BCR: variants seen among roughly 807,000 people sequenced by gnomAD.
BCR encodes BCR activator of RhoGEF and GTPase, also known as breakpoint cluster region protein.
BCR carries 58 observed loss-of-function variants against 138.6 expected under a neutral mutation model. The observed-to-expected ratio is 0.42, with a 90% CI of 0.34 to 0.52. The LOEUF is 0.52. Among genes scored for constraint, BCR ranks in the 20% least tolerant of loss-of-function variants. The pLI, the probability that BCR is intolerant of heterozygous loss-of-function variation, is 0.06. For synonymous variants in BCR, 786 were observed against 730.1 expected, an observed-to-expected ratio of 1.08 and a Z score of -1.23; for missense variants, 1,599 against 1,727.2, an observed-to-expected ratio of 0.93 and a Z score of 1.32.
chr22:23,265,404 G>A lies in BCR; in HGVS notation c.1753-3004G>A, dbSNP rs181644196. On this transcript the variant is annotated intron_variant, in intron 4 of 22. Transcript: ENST00000305877. Reference sequence around the variant, plus strand: ...AGCTCAGTAGGGTTGGCCCAGCATCGCTCTGTCAGGTTTCCGGGTTGGACA... The same window carrying A: ...AGCTCAGTAGGGTTGGCCCAGCATCACTCTGTCAGGTTTCCGGGTTGGACA... 2.3e-3 allele frequency among the ~76,000 whole-genome samples: 346 copies of A among 152,276 alleles called. 5 individuals are homozygous for A. The highest frequency in any genetic ancestry group is 5.6e-4 in the Non-Finnish European group (38 of 68,020).
At chr22:23,230,931 G>A (rs2072950905) in intron 1 of BCR, among the ~76,000 whole-genome samples, 1 of 152,172 alleles carries the variant, frequency 6.6e-6, no homozygotes, top group African/African-American at 2.4e-5. Flanking sequence ...GGGGCCACAG[G>A]TGGAGTAGAG....
Position 23,199,349 on chromosome 22 carries a change from C to T in BCR, c.1279+17110C>T, listed in dbSNP as rs147657830. ...TGTGTCATCTCCTGGCTTCCCCGGC[C>T]CTTGTGAGCCCCGCGGTTGCTTATT... On this transcript the variant is annotated intron_variant, in intron 1 of 22. Coordinates refer to ENST00000305877, the MANE Select transcript of BCR (RefSeq NM_004327.4). 284 of 516,086 alleles carry T rather than the reference C, an allele frequency of 5.5e-4. 1 individual carries two copies. The highest frequency in any genetic ancestry group is 5.1e-3 in the African/African-American group (266 of 51,900). 32.0% of individuals were successfully genotyped at this position (516,086 alleles called of 1,614,324 possible). A position where few individuals can be genotyped will look rare whatever the true frequency, so the allele number is the denominator to read the frequency against.
intron 18 of BCR, 68 bp downstream of exon 18, chr22:23,310,501 G>GAGC: frequency 1.4e-6 from 1 of 730,974 alleles, no homozygotes. Flanking sequence ...CTGCAGAAAA[G>GAGC]AGCATGTGTG....
intron 1 of BCR, among the ~76,000 whole-genome samples, chr22:23,195,233 C>G (rs1022216834): frequency 3.1e-4 from 47 of 151,324 alleles, no homozygotes; most frequent in African/African-American, 1.1e-3. Flanking sequence ...CCAGCCTGAC[C>G]AACATGGAGA....
chr22:23,296,191 C>G (rs919492261), intron 16 of BCR, among the ~76,000 whole-genome samples: 2 of 151,726 alleles, frequency 1.3e-5, no homozygotes, highest in Non-Finnish European at 2.9e-5. Flanking sequence ...TGGCTAACAC[C>G]GTGAAACCCC....
intron 1 of BCR, among the ~76,000 whole-genome samples, chr22:23,206,203 G>A (rs180821066): frequency 3.1e-3 from 479 of 152,340 alleles, no homozygotes; most frequent in Non-Finnish European, 6.0e-3. Context: ...AATCGTTGAA[G>A]CCAAATGATG....
chr22:23,241,290 G>C (rs907340489), intron 1 of BCR, among the ~76,000 whole-genome samples: 1 of 152,212 alleles, frequency 6.6e-6, no homozygotes, highest in Non-Finnish European at 1.5e-5. Flanking sequence ...CCGGGCTCAG[G>C]GTGGTGACCG....
chr22:23,229,267 C>T (rs1265533853), intron 1 of BCR, among the ~76,000 whole-genome samples: 5 of 151,842 alleles, frequency 3.3e-5, no homozygotes, highest in Admixed American at 6.6e-5. Flanking sequence ...GAGTCTTTGT[C>T]CTTTCTTCTT....
chr22:23,225,414 C>A (rs538070320), intron 1 of BCR, among the ~76,000 whole-genome samples: 2 of 152,232 alleles, frequency 1.3e-5, no homozygotes, highest in Admixed American at 1.3e-4. Flanking sequence ...GGAGGGCATG[C>A]GCTTTGCCAA....
intron 9 of BCR, among the ~76,000 whole-genome samples, chr22:23,284,827 G>A (rs915004820): frequency 2.0e-5 from 3 of 152,148 alleles, no homozygotes; most frequent in South Asian, 2.1e-4. Flanking sequence ...TGGGGCCTGC[G>A]GTCACATGTT....
chr22:23,264,514 C>A, intron 4 of BCR: 1 of 541,772 alleles, frequency 1.8e-6, no homozygotes, highest in South Asian at 2.2e-5. Context: ...AGGCTTCTGA[C>A]TCCTGGAGCT....
intron 4 of BCR, chr22:23,263,599 CATG>C (rs1413744668): frequency 2.3e-5 from 36 of 1,533,156 alleles, no homozygotes; most frequent in Non-Finnish European, 2.9e-5. Flanking sequence ...GTCTGCTGGG[CATG>C]ATGAGGACGT....
chr22:23,300,733 C>T (rs1009429298), intron 16 of BCR, among the ~76,000 whole-genome samples: 1 of 152,178 alleles, frequency 6.6e-6, no homozygotes, highest in African/African-American at 2.4e-5. Flanking sequence ...CAGGTGCCCA[C>T]ATAACCCAGG....
At chr22:23,273,171 G>C in intron 7 of BCR, 38 bp downstream of exon 7, 2 of 1,598,302 alleles carry the variant, frequency 1.3e-6, no homozygotes, top group Non-Finnish European at 1.7e-6. Context: ...GACCAAAACT[G>C]CCCCCTCGGG....
At chr22:23,274,473 T>C (rs539283942) in intron 8 of BCR, among the ~76,000 whole-genome samples, 13 of 152,292 alleles carry the variant, frequency 8.5e-5, no homozygotes, top group East Asian at 3.9e-4. Context: ...GGGGAGCCAG[T>C]GTCCAGGGGG....
rs570742984 is a variant in BCR at position 23,315,668 on chromosome 22, C to G, written c.*146C>G. ...CTGCCAAGAGACAGCGACCCAAAGC[C>G]GAAGGACAGGTGGCCTGGAAAGATC... On this transcript the variant is annotated 3_prime_UTR_variant, in exon 23 of 23. Transcript: ENST00000305877. 12 of 800,974 alleles carry G rather than the reference C, an allele frequency of 1.5e-5. No individual in the cohort carries two copies. Among genetic ancestry groups the G allele is most frequent in the Non-Finnish European group, 2.5e-5 (12 of 471,242 alleles). 49.6% of individuals were successfully genotyped at this position (800,974 alleles called of 1,614,324 possible).
chr22:23,282,448 G>A (rs568750168), intron 8 of BCR, among the ~76,000 whole-genome samples: 107 of 152,344 alleles, frequency 7.0e-4, no homozygotes, highest in Non-Finnish European at 1.1e-3. Context: ...GCAAGAGCCG[G>A]CTGCCTGTCG....
chr22:23,240,656 A>T (rs1423164202), intron 1 of BCR, among the ~76,000 whole-genome samples: 2 of 149,754 alleles, frequency 1.3e-5, no homozygotes, highest in Non-Finnish European at 3.0e-5. Context: ...TCTCAAAAAG[A>T]AAAAAAAAAG....
intron 4 of BCR, among the ~76,000 whole-genome samples, chr22:23,265,275 C>A (rs1372526492): frequency 6.6e-6 from 1 of 152,224 alleles, no homozygotes; most frequent in Non-Finnish European, 1.5e-5. Flanking sequence ...GGAAGTTGTT[C>A]CCCATAACGA....
Sources: gnomAD v4.1 joint callset for allele counts (sites outside exome capture counted in the v4.1 genomes callset) on GRCh38, gnomAD v4.1.1 for gene constraint, MANE v1.5 for transcripts, NCBI Gene and HGNC (gene_info 2026-07-23, HGNC 2026-07-21) for gene names.